Variants in PSMD14 observed in about 807,000 individuals in gnomAD.
The protein encoded by PSMD14 is proteasome 26S subunit, non-ATPase 14.
A neutral mutation model predicts 41.2 loss-of-function variants in PSMD14; 7 were observed. That is an observed-to-expected ratio of 0.17 (90% CI 0.10 to 0.32). PSMD14 has a LOEUF of 0.32. PSMD14 is among the 10% of genes least tolerant of loss of function. The pLI is 1.00. For missense variants in PSMD14, 139 were observed against 375.6 expected (o/e 0.37, Z 5.21); for synonymous variants, 114 against 122.3 (o/e 0.93, Z 0.45).
At chr2:161,333,190 G>C (rs1682820523) in intron 3 of PSMD14, among the ~76,000 whole-genome samples, 1 of 152,160 alleles carries the variant, frequency 6.6e-6, no homozygotes, top group Non-Finnish European at 1.5e-5. Flanking sequence ...TTTCCTTACT[G>C]TTCCATATCT....
At chr2:161,393,155 C>G (rs1379144918) in intron 9 of PSMD14, among the ~76,000 whole-genome samples, 1 of 152,094 alleles carries the variant, frequency 6.6e-6, no homozygotes, top group African/African-American at 2.4e-5. Context: ...CAAGGGAATC[C>G]TTGTCCAGGT....
intron 4 of PSMD14, 31 bp downstream of exon 4, chr2:161,367,580 A>G: frequency 1.2e-5 from 18 of 1,548,018 alleles, no homozygotes; most frequent in Non-Finnish European, 1.6e-5. Flanking sequence ...CTTGCTTTAG[A>G]GAACTCTGTT....
intron 3 of PSMD14, among the ~76,000 whole-genome samples, chr2:161,352,201 T>A (rs894103697): frequency 2.6e-5 from 4 of 152,150 alleles, no homozygotes; most frequent in Non-Finnish European, 5.9e-5. Context: ...TATCAGTGAT[T>A]TTCAACCTTG....
chr2:161,391,580 T>TTTTG (rs555585544), intron 9 of PSMD14, among the ~76,000 whole-genome samples: 8 of 152,034 alleles, frequency 5.3e-5, no homozygotes, highest in Admixed American at 2.6e-4. Flanking sequence ...GTGTAGTGCT[T>TTTTG]TTTGTTTGTT....
intron 3 of PSMD14, among the ~76,000 whole-genome samples, chr2:161,347,995 A>G (rs1389865915): frequency 6.6e-6 from 1 of 152,208 alleles, no homozygotes; most frequent in East Asian, 1.9e-4. Flanking sequence ...TTGACAAATC[A>G]ATAAGAAAAA....
At chr2:161,359,446 G>A (rs907083614) in intron 3 of PSMD14, among the ~76,000 whole-genome samples, 2 of 151,892 alleles carry the variant, frequency 1.3e-5, no homozygotes, top group Non-Finnish European at 2.9e-5. Context: ...AATGCTTTGT[G>A]TAACTTAGAT....
At chr2:161,381,242 A>C (rs997363999) in intron 7 of PSMD14, 16 of 149,416 alleles carry the variant, frequency 1.1e-4, no homozygotes, top group African/African-American at 3.9e-4. Context: ...TATAATATAT[A>C]GGTATACATA....
chr2:161,406,069 A>G (rs548409663), intron 10 of PSMD14, among the ~76,000 whole-genome samples: 82 of 152,310 alleles, frequency 5.4e-4, no homozygotes, highest in African/African-American at 1.8e-3. Context: ...GTGAAGTGCC[A>G]AAGATCCCAT....
chr2:161,367,510 A>G lies in PSMD14; in HGVS notation c.81A>G (p.Thr27=). ...GPPTDAPAVD[T]AEQVYISSLA... Reference sequence around the variant, plus strand: ...CTACAGATGCTCCTGCAGTGGACACAGCAGAACAAGTCTATATCTCTTCCC... The same window carrying G: ...CTACAGATGCTCCTGCAGTGGACACGGCAGAACAAGTCTATATCTCTTCCC... The change falls in exon 4 of 12, where the codon ACA becomes ACG. Residue 27 remains threonine (T), a synonymous_variant. Coordinates refer to ENST00000409682, the MANE Select transcript of PSMD14 (RefSeq NM_005805.6). 1 of 1,602,010 alleles carries G rather than the reference A, an allele frequency of 6.2e-7. No homozygotes were observed. Among genetic ancestry groups the G allele is most frequent in the Non-Finnish European group, 8.5e-7 (1 of 1,173,622 alleles).
intron 10 of PSMD14, among the ~76,000 whole-genome samples, chr2:161,402,041 G>C (rs1683886144): frequency 1.3e-5 from 2 of 152,114 alleles, no homozygotes; most frequent in South Asian, 4.1e-4. Context: ...AACCACTTCT[G>C]ATGTTATTAA....
chr2:161,343,717 C>G (rs1683000220), intron 3 of PSMD14, among the ~76,000 whole-genome samples: 1 of 152,156 alleles, frequency 6.6e-6, no homozygotes, highest in Non-Finnish European at 1.5e-5. Context: ...AATTTTAGCT[C>G]CTCGGGAGCC....
intron 7 of PSMD14, among the ~76,000 whole-genome samples, chr2:161,374,524 AT>A (rs1483508695): frequency 6.6e-6 from 1 of 152,020 alleles, no homozygotes; most frequent in African/African-American, 2.4e-5. Context: ...TGGTAATTGC[AT>A]TCATAATTTA....
chr2:161,323,488 C>G (rs1287861097), intron 3 of PSMD14, among the ~76,000 whole-genome samples: 1 of 152,050 alleles, frequency 6.6e-6, no homozygotes, highest in Non-Finnish European at 1.5e-5. Context: ...CATGGGGAAA[C>G]CCCATCTCTA....
At chr2:161,370,257 AAT>A (rs1683414469) in intron 6 of PSMD14, 80 bp downstream of exon 6, 8 of 1,102,422 alleles carry the variant, frequency 7.3e-6, no homozygotes, top group Non-Finnish European at 1.0e-5. Context: ...GATGTTTATC[AAT>A]GTCATTTCTA....
chr2:161,367,577 T>C (rs1299764406), intron 4 of PSMD14, 28 bp downstream of exon 4: 1 of 1,550,982 alleles, frequency 6.4e-7, no homozygotes, highest in South Asian at 1.2e-5. Context: ...TTACTTGCTT[T>C]AGAGAACTCT....
chr2:161,334,363 T>G (rs1292099496), intron 3 of PSMD14, among the ~76,000 whole-genome samples: 1 of 152,008 alleles, frequency 6.6e-6, no homozygotes, highest in Admixed American at 6.6e-5. Context: ...ATTATGTAAT[T>G]TTTTTTGACT....
intron 3 of PSMD14, among the ~76,000 whole-genome samples, chr2:161,358,350 T>C (rs1405972249): frequency 1.3e-5 from 2 of 152,200 alleles, no homozygotes; most frequent in Admixed American, 6.5e-5. Flanking sequence ...ATAACTTAAG[T>C]CTAACTTAAG....
chr2:161,385,638 T>G, intron 8 of PSMD14, 67 bp downstream of exon 8: 2 of 882,626 alleles, frequency 2.3e-6, no homozygotes, highest in Middle Eastern at 2.3e-4. Flanking sequence ...TAAGTAGTCT[T>G]TTTAAGTTCT....
intron 3 of PSMD14, among the ~76,000 whole-genome samples, chr2:161,342,839 A>T (rs1452913614): frequency 6.6e-6 from 1 of 151,698 alleles, no homozygotes; most frequent in Non-Finnish European, 1.5e-5. Context: ...CCTTTGTTGA[A>T]TTTCTAGCTA....
Sources: allele counts gnomAD v4.1 joint callset (sites outside exome capture counted in the v4.1 genomes callset), GRCh38; gene constraint gnomAD v4.1.1; transcripts MANE v1.5; gene names NCBI Gene and HGNC (gene_info 2026-07-23, HGNC 2026-07-21).